The following CPNE5 variants were observed in gnomAD, a reference collection of about 807,000 sequenced individuals.
The protein encoded by CPNE5 is copine 5, also known as copine-5.
A neutral mutation model predicts 81.1 loss-of-function variants in CPNE5; 42 were observed. The observed-to-expected ratio is 0.52, with a 90% CI of 0.40 to 0.67. CPNE5 has a LOEUF of 0.67. Ranked by LOEUF, CPNE5 falls within the 30% of genes least tolerant of loss-of-function variation. The pLI is 0.00. For missense variants in CPNE5, 612 were observed against 815.5 expected, an observed-to-expected ratio of 0.75 and a Z score of 3.04; for synonymous variants, 313 against 321.5, an observed-to-expected ratio of 0.97 and a Z score of 0.28.
At chr6:36,775,117 C>T (rs372394253) in intron 9 of CPNE5, 52 bp from the exon 10 acceptor site, 4 of 1,373,540 alleles carry the variant, frequency 2.9e-6, no homozygotes, top group Non-Finnish European at 4.1e-6. Flanking sequence ...CCAAGGGAGG[C>T]GAATGCAGGT....
At chr6:36,743,802 C>G in intron 19 of CPNE5, 40 bp from the exon 20 acceptor site, 1 of 1,545,208 alleles carries the variant, frequency 6.5e-7, no homozygotes, top group Non-Finnish European at 8.9e-7. Context: ...GTGAGATTAA[C>G]GGTGGACCCC....
intron 3 of CPNE5, among the ~76,000 whole-genome samples, chr6:36,805,013 G>C (rs548621574): frequency 1.3e-5 from 2 of 152,132 alleles, no homozygotes; most frequent in South Asian, 4.2e-4. Flanking sequence ...TAACAAAGGG[G>C]AAAAATGCTA....
At chr6:36,798,272 G>A (rs1769775038) in intron 5 of CPNE5, 31 bp from the exon 6 acceptor site, 1 of 1,598,982 alleles carries the variant, frequency 6.3e-7, no homozygotes, top group Non-Finnish European at 8.6e-7. Flanking sequence ...AGAGACCAGT[G>A]TCACCCACTC....
At chr6:36,777,607 G>A (rs1210664887) in intron 9 of CPNE5, among the ~76,000 whole-genome samples, 1 of 152,152 alleles carries the variant, frequency 6.6e-6, no homozygotes, top group Non-Finnish European at 1.5e-5. Context: ...AAATCCTTCT[G>A]GGAGTCCTTT....
chr6:36,809,581 C>CA (rs200971479), intron 3 of CPNE5, among the ~76,000 whole-genome samples: 1,856 of 150,790 alleles, frequency 0.012, 35 homozygotes, highest in African/African-American at 0.039. Context: ...GTCTCAAAAA[C>CA]AAAAAAACAA....
In CPNE5 at chr6:36,743,737, G is replaced by A. The variant is rs376503078; in HGVS notation, c.1515C>T (p.Asp505=). The stretch of plus-strand genomic sequence containing the variant: ...GCTTCCCCCGGGAGGAGATCCGCAC[G>A]TCGTCGCCATCCAGCTCCACCATGG... ...FDAMVELDGD[D]VRISSRGKLA... is the part of the protein sequence containing the mutation. The change falls in exon 20 of 21, where the codon GAC becomes GAT. Residue 505 remains aspartate, a synonymous_variant. Coordinates refer to ENST00000244751, the MANE Select transcript of CPNE5 (RefSeq NM_020939.2). The A allele has an allele frequency of 9.9e-6, 16 of 1,612,536 alleles. No homozygotes were observed. Among genetic ancestry groups the A allele is most frequent in the East Asian group, 8.9e-5 (4 of 44,896 alleles).
At chr6:36,761,980 G>A (rs1766068341) in intron 12 of CPNE5, among the ~76,000 whole-genome samples, 2 of 152,110 alleles carry the variant, frequency 1.3e-5, no homozygotes, top group Admixed American at 6.5e-5. Context: ...AGTAGAACGC[G>A]GTGGCTCAGG....
At chr6:36,814,873 A>G (rs761677311) in intron 3 of CPNE5, among the ~76,000 whole-genome samples, 3 of 152,182 alleles carry the variant, frequency 2.0e-5, no homozygotes, top group Admixed American at 6.5e-5. Flanking sequence ...AAGTACTTAG[A>G]ACAGTGTCTA....
At chr6:36,833,626 G>C (rs911101218) in intron 1 of CPNE5, among the ~76,000 whole-genome samples, 7 of 152,186 alleles carry the variant, frequency 4.6e-5, no homozygotes, top group Non-Finnish European at 1.0e-4. Flanking sequence ...GAGTCACTCT[G>C]GTCCAATAAC....
At chr6:36,777,916 C>A (rs1444742297) in intron 9 of CPNE5, among the ~76,000 whole-genome samples, 1 of 152,068 alleles carries the variant, frequency 6.6e-6, no homozygotes, top group Non-Finnish European at 1.5e-5. Flanking sequence ...TCCCCCACCC[C>A]CATGGCAGGG....
At chr6:36,806,834 C>T (rs1770639326) in intron 3 of CPNE5, among the ~76,000 whole-genome samples, 1 of 152,236 alleles carries the variant, frequency 6.6e-6, no homozygotes, top group African/African-American at 2.4e-5. Context: ...TGTCCTGTGC[C>T]AGCCCTTTGG....
rs750891428 is a variant in CPNE5, at chr6:36,742,289, G to A, written c.1761C>T (p.Ser587=). The A allele has an allele frequency of 1.3e-6, 2 of 1,596,880 alleles. No homozygotes were observed. The highest frequency in any genetic ancestry group is 1.7e-6 in the Non-Finnish European group (2 of 1,173,826). Residue 587 remains serine (S), a synonymous_variant, in exon 21 of 21, where the codon TCC becomes TCT. Transcript: ENST00000244751. ...SQSPARTPPA[S]PLHTHI ...AGGTTCAGATGTGCGTGTGCAGGGG[G>A]GACGCAGGGGGCGTGCGGGCTGGGG... is the stretch of plus-strand genomic sequence containing the variant.
intron 12 of CPNE5, among the ~76,000 whole-genome samples, chr6:36,757,964 G>C (rs1765647208): frequency 6.6e-6 from 1 of 152,276 alleles, no homozygotes; most frequent in Admixed American, 6.5e-5. Context: ...ATGTCACCCA[G>C]CGGCCTGCAG....
intron 14 of CPNE5, 24 bp downstream of exon 14, chr6:36,753,010 G>A: frequency 2.5e-6 from 4 of 1,595,178 alleles, no homozygotes; most frequent in Non-Finnish European, 3.4e-6. Context: ...CAAGGCCCAT[G>A]AAATTGGCTG....
chr6:36,748,553 A>C (rs562147020), intron 14 of CPNE5, among the ~76,000 whole-genome samples: 6 of 152,094 alleles, frequency 3.9e-5, no homozygotes, highest in Admixed American at 1.3e-4. Flanking sequence ...TTCCTCCACA[A>C]ACCCTACCCC....
At chr6:36,806,550 C>T (rs1350136267) in intron 3 of CPNE5, among the ~76,000 whole-genome samples, 2 of 152,186 alleles carry the variant, frequency 1.3e-5, no homozygotes, top group Admixed American at 6.5e-5. Context: ...ATGCTCTATC[C>T]CTTGTGGATT....
chr6:36,774,988 C>G lies in CPNE5; in HGVS notation c.710G>C (p.Arg237Thr), dbSNP rs1012705463. Reference sequence around the variant, plus strand: ...ATCGTAGTCGCCGTTGCAGAGGGCTCTCACGGGAATGGAGAAAGTTTGCCA... The same window carrying G: ...ATCGTAGTCGCCGTTGCAGAGGGCTGTCACGGGAATGGAGAAAGTTTGCCA... ...PVWQTFSIPV[R>T]ALCNGDYDRT... The change falls in exon 10 of 21, where the codon AGA (arginine) becomes ACA (threonine). Residue 237 changes from arginine to threonine, a missense_variant. Physicochemically the swap from Arg to Thr is moderately conservative, Grantham distance 71. Transcript: ENST00000244751. 1 of 1,614,180 alleles carries G rather than the reference C, an allele frequency of 6.2e-7. No individual in the cohort carries two copies.
intron 8 of CPNE5, 108 bp from the exon 9 acceptor site, chr6:36,779,065 A>T: frequency 1.4e-6 from 1 of 737,488 alleles, no homozygotes. Flanking sequence ...GTTGGAATGC[A>T]CCGACTAAGT....
chr6:36,792,157 A>C (rs1582903875), intron 7 of CPNE5, 61 bp from the exon 8 acceptor site: 7 of 1,518,422 alleles, frequency 4.6e-6, no homozygotes, highest in Non-Finnish European at 6.4e-6. Context: ...TAAACCTGAC[A>C]CTCCCTCAAT....
Sources: gnomAD v4.1 joint callset for allele counts (sites outside exome capture counted in the v4.1 genomes callset) on GRCh38, gnomAD v4.1.1 for gene constraint, MANE v1.5 for transcripts, NCBI Gene and HGNC (gene_info 2026-07-23, HGNC 2026-07-21) for gene names.